CCSER1: variants seen among roughly 807,000 people sequenced by gnomAD.
CCSER1 encodes the protein serine-rich coiled-coil domain-containing protein 1.
CCSER1 carries 41 observed loss-of-function variants against 82.0 expected under a neutral mutation model. The ratio of observed to expected loss-of-function variants is 0.50; its 90% confidence interval spans 0.39 to 0.65. The LOEUF is 0.65. Ranked by LOEUF, CCSER1 falls within the 30% of genes least tolerant of loss-of-function variation. The pLI, the probability that CCSER1 is intolerant of heterozygous loss-of-function variation, is 0.00. For synonymous variants in CCSER1, 414 were observed against 383.9 expected (o/e 1.08, Z -0.92); for missense variants, 1,119 against 1,064.2 (o/e 1.05, Z -0.72).
intron 10 of CCSER1, among the ~76,000 whole-genome samples, chr4:91,163,387 C>G (rs1157322945): frequency 6.6e-6 from 1 of 151,920 alleles, no homozygotes; most frequent in Non-Finnish European, 1.5e-5. Context: ...TGATGTGGTG[C>G]TGACAAGAAT....
intron 5 of CCSER1, among the ~76,000 whole-genome samples, chr4:90,523,397 T>A (rs1773373108): frequency 6.6e-6 from 1 of 152,122 alleles, no homozygotes; most frequent in Admixed American, 6.6e-5. Context: ...ACTGGGCTCT[T>A]GCTTTCCTCT....
At chr4:91,473,542 A>C (rs1334821701) in intron 10 of CCSER1, among the ~76,000 whole-genome samples, 2 of 152,136 alleles carry the variant, frequency 1.3e-5, no homozygotes, top group African/African-American at 4.8e-5. Context: ...GATTCAACAG[A>C]CTTAGATTAA....
chr4:91,017,457 T>C (rs1739533563), intron 9 of CCSER1, among the ~76,000 whole-genome samples: 1 of 152,178 alleles, frequency 6.6e-6, no homozygotes, highest in South Asian at 2.1e-4. Context: ...AGGTTCGTTA[T>C]ATAGGTAAAC....
intron 10 of CCSER1, among the ~76,000 whole-genome samples, chr4:91,463,032 G>A (rs1756603841): frequency 6.6e-6 from 1 of 152,172 alleles, no homozygotes; most frequent in Admixed American, 6.5e-5. Context: ...CATGCAGCTG[G>A]AGATATGAGA....
intron 10 of CCSER1, among the ~76,000 whole-genome samples, chr4:91,443,061 G>A (rs1755297195): frequency 6.6e-6 from 1 of 152,054 alleles, no homozygotes; most frequent in South Asian, 2.1e-4. Flanking sequence ...GGAAGTCAGT[G>A]TGGTGATTCC....
intron 6 of CCSER1, among the ~76,000 whole-genome samples, chr4:90,699,906 C>G: frequency 6.6e-6 from 1 of 151,952 alleles, no homozygotes; most frequent in East Asian, 1.9e-4. Flanking sequence ...GAGCGCATAG[C>G]TAGCAGGCAC....
intron 10 of CCSER1, among the ~76,000 whole-genome samples, chr4:91,525,463 C>T (rs997131421): frequency 2.6e-5 from 4 of 152,272 alleles, no homozygotes; most frequent in African/African-American, 9.6e-5. Flanking sequence ...GGTATTAATT[C>T]ACTCTGATTA....
chr4:91,079,284 A>T (rs971430800), intron 9 of CCSER1, among the ~76,000 whole-genome samples: 20 of 152,230 alleles, frequency 1.3e-4, no homozygotes, highest in African/African-American at 4.6e-4. Flanking sequence ...ATTCTTAAAG[A>T]AAAGAATTTT....
intron 3 of CCSER1, among the ~76,000 whole-genome samples, chr4:90,340,777 A>G (rs767968057): frequency 1.1e-4 from 17 of 152,144 alleles, no homozygotes; most frequent in Non-Finnish European, 2.1e-4. Context: ...ATCAAAGTAC[A>G]GTTTAATTTA....
At chr4:91,045,152 C>T (rs35408163) in intron 9 of CCSER1, among the ~76,000 whole-genome samples, 56,231 of 152,018 alleles carry the variant, frequency 0.37, 11,655 homozygotes, top group East Asian at 0.64. Context: ...TGGGTATTCA[C>T]ACTCATCTTG....
intron 9 of CCSER1, among the ~76,000 whole-genome samples, chr4:90,964,617 C>T (rs770503202): frequency 5.4e-5 from 8 of 147,730 alleles, no homozygotes; most frequent in Non-Finnish European, 1.0e-4. Flanking sequence ...CTCAGCTACT[C>T]GGGAGGCTGA....
intron 10 of CCSER1, among the ~76,000 whole-genome samples, chr4:91,299,026 G>C (rs531809387): frequency 1.3e-5 from 2 of 152,064 alleles, no homozygotes; most frequent in South Asian, 4.1e-4. Context: ...AATAAAAAAT[G>C]TTGTGGGTGG....
At chr4:91,509,165 C>A (rs776381018) in intron 10 of CCSER1, among the ~76,000 whole-genome samples, 2 of 150,782 alleles carry the variant, frequency 1.3e-5, no homozygotes, top group East Asian at 3.9e-4. Context: ...TTTTTTTTAG[C>A]TTCTTTATGT....
intron 1 of CCSER1, among the ~76,000 whole-genome samples, chr4:90,155,503 T>C (rs998607902): frequency 5.9e-5 from 9 of 152,212 alleles, no homozygotes; most frequent in African/African-American, 2.2e-4. Flanking sequence ...TGAATCCATC[T>C]GGTCCTGGAC....
At chr4:90,540,792 T>A (rs1027376218) in intron 5 of CCSER1, among the ~76,000 whole-genome samples, 12 of 152,052 alleles carry the variant, frequency 7.9e-5, no homozygotes, top group African/African-American at 2.9e-4. Flanking sequence ...GCATAACTAA[T>A]AAGAGCTTTA....
rs556598125 is a variant in CCSER1, at chr4:91,445,321, T to G, written c.2218-153251T>G. ...ATTGCTATGAATTTTACTTGTATTTTGCAACAGTTTTTGTATTGGGAGATA... is the reference window on the plus strand; with the variant it reads ...ATTGCTATGAATTTTACTTGTATTTGGCAACAGTTTTTGTATTGGGAGATA... On this transcript the variant is annotated intron_variant, in intron 10 of 10. Transcript: ENST00000509176. Among the ~76,000 whole-genome samples the G allele has an allele frequency of 3.3e-5, 5 of 152,232 alleles. No individual in the cohort carries two copies. The South Asian group carries it at 1.0e-3, about 32-fold the overall frequency.
intron 8 of CCSER1, among the ~76,000 whole-genome samples, chr4:90,906,361 T>C (rs2150170984): frequency 1.3e-5 from 2 of 152,262 alleles, no homozygotes; most frequent in East Asian, 3.9e-4. Context: ...TGACATCAAT[T>C]GTTTTCTAGC....
At chr4:90,572,317 C>G (rs567109816) in intron 5 of CCSER1, among the ~76,000 whole-genome samples, 5 of 152,212 alleles carry the variant, frequency 3.3e-5, no homozygotes, top group African/African-American at 1.2e-4. Context: ...TTTGGGCAGT[C>G]TTATTTTGGC....
intron 1 of CCSER1, among the ~76,000 whole-genome samples, chr4:90,188,861 G>A (rs1735110201): frequency 6.6e-6 from 1 of 151,908 alleles, no homozygotes; most frequent in African/African-American, 2.4e-5. Flanking sequence ...GAGTGAATAA[G>A]AATTAGGATA....
Sources: allele counts gnomAD v4.1 joint callset (sites outside exome capture counted in the v4.1 genomes callset), GRCh38; gene constraint gnomAD v4.1.1; transcripts MANE v1.5; gene names NCBI Gene and HGNC (gene_info 2026-07-23, HGNC 2026-07-21).